WDFY3: variants seen among roughly 807,000 people sequenced by gnomAD.
The protein encoded by WDFY3 is WD repeat and FYVE domain containing 3.
WDFY3 carries 66 observed loss-of-function variants against 409.6 expected under a neutral mutation model. The ratio of observed to expected loss-of-function variants is 0.16; its 90% CI spans 0.13 to 0.20. The LOEUF is 0.20. Ranked by LOEUF, WDFY3 falls within the 10% of genes least tolerant of loss-of-function variation. The pLI, the probability that WDFY3 is intolerant of heterozygous loss-of-function variation, is 1.00. For synonymous variants in WDFY3, 1,521 were observed against 1,537.1 expected (o/e 0.99, Z 0.25); for missense variants, 3,031 against 4,298.1 (o/e 0.71, Z 8.24).
chr4:84,704,566 T>TGTC, intron 54 of WDFY3, 122 bp from the exon 55 acceptor site: 1 of 661,996 alleles, frequency 1.5e-6, no homozygotes, highest in Non-Finnish European at 2.4e-6. Flanking sequence ...ATGCAATTAG[T>TGTC]ACTGGCATTT....
At chr4:84,924,314 C>T (rs1769694274) in intron 2 of WDFY3, among the ~76,000 whole-genome samples, 4 of 152,184 alleles carry the variant, frequency 2.6e-5, no homozygotes, top group South Asian at 2.1e-4. Flanking sequence ...AATACATACA[C>T]GGCTTTATAT....
At position 84,678,214 on chromosome 4, in the gene WDFY3, T is replaced by G; in HGVS notation, c.10213A>C (p.Lys3405Gln). Reference sequence around the variant, plus strand: ...ACCTCAGCTGGGTGTGCATTGTCCTTTCGATCAAAGGCTGTGTGCATAGTC... The same window carrying G: ...ACCTCAGCTGGGTGTGCATTGTCCTGTCGATCAAAGGCTGTGTGCATAGTC... The part of the protein sequence containing the change: ...KLTMHTAFDR[K>Q]DNAHPAEVTA... The change falls in exon 66 of 68, where the codon AAG becomes CAG. Residue 3405 changes from lysine (K) to glutamine (Q), a missense_variant. Coordinates refer to ENST00000295888, the MANE Select transcript of WDFY3 (RefSeq NM_014991.6). The G allele has an allele frequency of 6.2e-7, 1 of 1,614,084 alleles. No homozygotes were observed. The highest frequency in any genetic ancestry group is 8.5e-7 in the Non-Finnish European group (1 of 1,179,996).
At chr4:84,703,055 C>A (rs1387065747) in intron 55 of WDFY3, among the ~76,000 whole-genome samples, 10 of 151,620 alleles carry the variant, frequency 6.6e-5, no homozygotes, top group African/African-American at 2.2e-4. Flanking sequence ...CGAGATCGTG[C>A]CACTGCACTC....
At chr4:84,786,831 C>T (rs1207707898) in intron 23 of WDFY3, among the ~76,000 whole-genome samples, 1 of 152,042 alleles carries the variant, frequency 6.6e-6, no homozygotes, top group Non-Finnish European at 1.5e-5. Context: ...TATTAGATAC[C>T]ATCTAAATTA....
chr4:84,782,601 T>C (rs998524757), intron 25 of WDFY3, among the ~76,000 whole-genome samples: 1 of 152,198 alleles, frequency 6.6e-6, no homozygotes, highest in Non-Finnish European at 1.5e-5. Flanking sequence ...TATGTTCTCA[T>C]TGTTCAGCTC....
intron 43 of WDFY3, 152 bp downstream of exon 43, chr4:84,734,891 T>G: frequency 1.5e-6 from 1 of 649,662 alleles, no homozygotes; most frequent in Non-Finnish European, 2.6e-6. Flanking sequence ...GTAGCCAAAG[T>G]AGCTGATGGC....
intron 34 of WDFY3, among the ~76,000 whole-genome samples, chr4:84,754,816 A>C (rs548423421): frequency 6.6e-6 from 1 of 152,298 alleles, no homozygotes; most frequent in African/African-American, 2.4e-5. Flanking sequence ...TATACTACAA[A>C]TATGTACTCA....
chr4:84,833,151 C>T (rs1379797352), intron 7 of WDFY3, among the ~76,000 whole-genome samples: 1 of 152,088 alleles, frequency 6.6e-6, no homozygotes, highest in Non-Finnish European at 1.5e-5. Flanking sequence ...CAAGAGCACA[C>T]ACCATTAAGA....
intron 2 of WDFY3, among the ~76,000 whole-genome samples, chr4:84,918,862 T>C (rs12639808): frequency 0.29 from 43,550 of 150,660 alleles, 6,411 homozygotes; most frequent in Admixed American, 0.33. Context: ...TATATATATA[T>C]ACACACACAC....
At chr4:84,943,709 C>G (rs189947102) in intron 1 of WDFY3, among the ~76,000 whole-genome samples, 22 of 152,054 alleles carry the variant, frequency 1.4e-4, no homozygotes, top group Admixed American at 1.2e-3. Flanking sequence ...TATTGAAAAA[C>G]AAAACAAAAC....
chr4:84,805,570 G>A (rs906659058), intron 15 of WDFY3, among the ~76,000 whole-genome samples: 1 of 152,070 alleles, frequency 6.6e-6, no homozygotes, highest in African/African-American at 2.4e-5. Context: ...TCCCAAGCAA[G>A]AACTAACCAT....
At chr4:84,932,001 AC>A (rs746426038) in intron 2 of WDFY3, among the ~76,000 whole-genome samples, 1 of 152,194 alleles carries the variant, frequency 6.6e-6, no homozygotes, top group Non-Finnish European at 1.5e-5. Flanking sequence ...ATCTGTAGGT[AC>A]CTACAAGAAA....
At chr4:84,775,590 T>C (rs550379260) in intron 27 of WDFY3, among the ~76,000 whole-genome samples, 6 of 151,434 alleles carry the variant, frequency 4.0e-5, no homozygotes, top group Non-Finnish European at 8.9e-5. Context: ...AAAAAAATAC[T>C]AAAAAGAAAT....
chr4:84,966,507 G>C lies in WDFY3; in HGVS notation c.-524C>G, dbSNP rs1372170533. ...CCTGCTCCGCCGCGTCCTCGTCCTC[G>C]CTGGGTCCCCGCCGCCGCCGCCTCA... On this transcript the variant is annotated 5_prime_UTR_variant, in exon 1 of 68. Transcript: ENST00000295888. The C allele has an allele frequency of 6.3e-6, 1 of 159,010 alleles. No homozygotes were observed. Among genetic ancestry groups the C allele is most frequent in the Non-Finnish European group, 1.4e-5 (1 of 71,968 alleles). The allele number at this position is 159,010 out of a possible 1,614,324, so 9.8% of individuals were successfully genotyped here.
chr4:84,741,911 T>C lies in WDFY3; in HGVS notation c.6084A>G (p.Ala2028=). 1 of 1,587,688 alleles carries C rather than the reference T, an allele frequency of 6.3e-7. No homozygotes were observed. The highest frequency in any genetic ancestry group is 8.6e-7 in the Non-Finnish European group (1 of 1,162,300). ...LAADVLLGED[A]SLPITSGGSY... ...TTCCTCCACTGGTAATAGGCAGAGA[T>C]GCATCTTCCCCTAAATTCCAGTAGG... The change falls in exon 38 of 68, where the codon GCA becomes GCG. Residue 2028 remains alanine (A), a synonymous_variant. Transcript: ENST00000295888.
chr4:84,795,219 A>C (rs1284351200), intron 19 of WDFY3, among the ~76,000 whole-genome samples: 1 of 152,222 alleles, frequency 6.6e-6, no homozygotes, highest in African/African-American at 2.4e-5. Flanking sequence ...AAATGAAGAT[A>C]CAAAATGCAT....
At chr4:84,866,536 GGGCCAAGCTCA>G (rs1761420630) in intron 3 of WDFY3, among the ~76,000 whole-genome samples, 1 of 152,342 alleles carries the variant, frequency 6.6e-6, no homozygotes, top group Non-Finnish European at 1.5e-5. Context: ...GATGGGCTGT[GGGCCAAGCTCA>G]GGCCATCCCT....
chr4:84,802,674 T>A (rs1010115514), intron 16 of WDFY3, among the ~76,000 whole-genome samples: 8 of 152,186 alleles, frequency 5.3e-5, no homozygotes, highest in African/African-American at 1.9e-4. Context: ...GGCAAACATG[T>A]CCTATTTTAA....
chr4:84,741,816 A>G lies in WDFY3; in HGVS notation c.6179T>C (p.Met2060Thr). The change falls in exon 38 of 68, where the codon ATG (methionine) becomes ACG (threonine). Residue 2060 changes from methionine to threonine, a missense_variant. By Grantham distance (81) the Met-to-Thr change is moderately conservative (BLOSUM62 -1). Transcript: ENST00000295888. ...AAGAAGTTTAGATTCTTTGTTGAAC[A>G]TGCCTTGCCAAAGCTTGTCCACCAC... is the stretch of plus-strand genomic sequence containing the variant. ...QRVVDKLWQG[M>T]FNKESKLLID... 1.9e-6 allele frequency: 3 copies of G among 1,613,226 alleles called. 1 individual carries two copies. The South Asian group carries it at 3.3e-5, about 18-fold the overall frequency.
Sources: allele counts gnomAD v4.1 joint callset (sites outside exome capture counted in the v4.1 genomes callset), GRCh38; gene constraint gnomAD v4.1.1; transcripts MANE v1.5; gene names NCBI Gene and HGNC (gene_info 2026-07-23, HGNC 2026-07-21).